Variants in CTIF observed in about 807,000 individuals in gnomAD.
CTIF encodes CBP80/20-dependent translation initiation factor.
A neutral mutation model predicts 66.0 loss-of-function variants in CTIF; 21 were observed. The observed-to-expected ratio is 0.32, with a 90% CI of 0.23 to 0.46. CTIF has a LOEUF of 0.46. Ranked by LOEUF, CTIF falls within the 20% of genes least tolerant of loss-of-function variation. CTIF has a pLI of 1.00. For missense variants in CTIF, 739 were observed against 812.7 expected (o/e 0.91, Z 1.10); for synonymous variants, 345 against 326.4 (o/e 1.06, Z -0.62).
rs34998380 is a variant in CTIF at position 48,636,662 on chromosome 18, C to T, written c.229C>T (p.Arg77Ter). ...GCTGGACAGCAGCTGTTCCTTCTCC[C>T]GAGGGCGAGCCCCCCCACAGCAGGT... ...EPLDSSCSFS[R>*]GRAPPQQNGS... Residue 77 changes from arginine (R) to a stop codon, truncating the protein, a stop_gained, in exon 3 of 12, where the codon CGA becomes TGA. Transcript: ENST00000256413. LOFTEE classifies it high-confidence loss of function. 2 of 1,600,736 alleles carry T rather than the reference C, an allele frequency of 1.2e-6. No homozygotes were observed. Among genetic ancestry groups the T allele is most frequent in the East Asian group, 2.3e-5 (1 of 43,848 alleles).
chr18:48,662,358 A>C (rs1173363883), intron 3 of CTIF: 2 of 93,118 alleles, frequency 2.1e-5, no homozygotes, highest in Admixed American at 2.5e-4. Context: ...AGGAAGTTTC[A>C]AGTTACTTAG....
chr18:48,793,616 C>T (rs779893325), intron 9 of CTIF, among the ~76,000 whole-genome samples: 20 of 152,188 alleles, frequency 1.3e-4, no homozygotes, highest in Non-Finnish European at 2.4e-4. Context: ...GCCACAGGCT[C>T]CAGGGGGCTT....
chr18:48,738,535 T>C (rs1568178235), intron 7 of CTIF, among the ~76,000 whole-genome samples: 1 of 150,922 alleles, frequency 6.6e-6, no homozygotes. Context: ...CACTGGCTGT[T>C]CCCCCTCCCC....
At chr18:48,685,030 ATTTT>A (rs35327726) in intron 6 of CTIF, among the ~76,000 whole-genome samples, 22 of 133,618 alleles carry the variant, frequency 1.6e-4, no homozygotes, top group African/African-American at 4.6e-4. Context: ...GTTTGTTTGT[ATTTT>A]TTTTTTTTTT....
Position 48,861,365 on chromosome 18 carries a change from C to T in CTIF, c.*1806C>T, listed in dbSNP as rs1274876880. The T allele has an allele frequency of 1.3e-5, 2 of 152,878 alleles. No individual in the cohort carries two copies. Among genetic ancestry groups the T allele is most frequent in the South Asian group, 2.1e-4 (1 of 4,838 alleles). The allele number at this position is 152,878 out of a possible 1,614,324, so 9.5% of individuals were successfully genotyped here. On this transcript the variant is annotated 3_prime_UTR_variant, in exon 12 of 12. Coordinates refer to ENST00000256413, the MANE Select transcript of CTIF (RefSeq NM_014772.3). ...CTGAACCCTGCCTTCTTCCTCCCTC[C>T]ACGGTTTCTTCCCAGACTTTCTCAA...
At chr18:48,714,546 G>C (rs927754639) in intron 7 of CTIF, among the ~76,000 whole-genome samples, 1 of 152,096 alleles carries the variant, frequency 6.6e-6, no homozygotes, top group Non-Finnish European at 1.5e-5. Context: ...CTGAAGCTAG[G>C]AGCATGCAAT....
chr18:48,564,638 A>G (rs750864909), intron 1 of CTIF, among the ~76,000 whole-genome samples: 1 of 151,950 alleles, frequency 6.6e-6, no homozygotes, highest in Non-Finnish European at 1.5e-5. Context: ...TTTTGTTTTG[A>G]GACAGGGTCT....
At chr18:48,831,266 T>A (rs1230748067) in intron 10 of CTIF, among the ~76,000 whole-genome samples, 1 of 152,256 alleles carries the variant, frequency 6.6e-6, no homozygotes, top group Non-Finnish European at 1.5e-5. Flanking sequence ...CTCTGTTCTG[T>A]CCCTGCCTTT....
chr18:48,772,910 A>G (rs941775491), intron 9 of CTIF, among the ~76,000 whole-genome samples: 12 of 152,216 alleles, frequency 7.9e-5, no homozygotes, highest in Admixed American at 3.9e-4. Flanking sequence ...GTATCTGCCA[A>G]ACTGTTTCCA....
intron 1 of CTIF, chr18:48,566,148 C>T (rs531293617): frequency 1.3e-5 from 2 of 152,386 alleles, no homozygotes; most frequent in African/African-American, 4.8e-5. Context: ...CCTTGCCCCA[C>T]TCACTACTTT....
chr18:48,793,821 C>A (rs542453157), intron 9 of CTIF, among the ~76,000 whole-genome samples: 34 of 152,288 alleles, frequency 2.2e-4, no homozygotes, highest in African/African-American at 7.9e-4. Context: ...GCCATTTCCC[C>A]AGGAAAGTGG....
chr18:48,601,647 G>C (rs1330259704), intron 1 of CTIF, among the ~76,000 whole-genome samples: 1 of 152,188 alleles, frequency 6.6e-6, no homozygotes, highest in Non-Finnish European at 1.5e-5. Flanking sequence ...ATTGAAGCAG[G>C]GTTCTGAGAT....
intron 7 of CTIF, among the ~76,000 whole-genome samples, chr18:48,741,020 A>G (rs918344076): frequency 3.3e-5 from 5 of 152,228 alleles, no homozygotes; most frequent in Admixed American, 6.5e-5. Flanking sequence ...AATGAGGACA[A>G]TAATGCCACT....
intron 6 of CTIF, among the ~76,000 whole-genome samples, chr18:48,673,956 G>T (rs1293605876): frequency 2.0e-5 from 3 of 152,158 alleles, no homozygotes; most frequent in Non-Finnish European, 4.4e-5. Context: ...GCTCCACTCA[G>T]AGCCCATTGG....
intron 9 of CTIF, among the ~76,000 whole-genome samples, chr18:48,781,022 C>T (rs545703808): frequency 3.9e-5 from 6 of 152,334 alleles, no homozygotes; most frequent in African/African-American, 7.2e-5. Context: ...TCACAGAAGG[C>T]GAAGACCCCC....
intron 6 of CTIF, among the ~76,000 whole-genome samples, chr18:48,675,040 G>A (rs1020603470): frequency 1.3e-5 from 2 of 151,490 alleles, no homozygotes; most frequent in East Asian, 3.9e-4. Context: ...TGATGGGGTG[G>A]TGGGGGGTCG....
At chr18:48,572,046 T>TC (rs1384725986) in intron 1 of CTIF, among the ~76,000 whole-genome samples, 7 of 126,094 alleles carry the variant, frequency 5.6e-5, no homozygotes, top group African/African-American at 1.7e-4. Context: ...TTCTTCCTTC[T>TC]CTTTCTCCTT....
chr18:48,659,539 G>A (rs75335742), intron 3 of CTIF, among the ~76,000 whole-genome samples: 23 of 152,338 alleles, frequency 1.5e-4, no homozygotes, highest in East Asian at 1.2e-3. Context: ...GATGGGGTCC[G>A]GCTCCTTGGT....
chr18:48,616,747 T>C (rs1384353167), intron 1 of CTIF, among the ~76,000 whole-genome samples: 5 of 152,176 alleles, frequency 3.3e-5, no homozygotes, highest in African/African-American at 9.7e-5. Flanking sequence ...TTCATACCCA[T>C]AGCCAACCCT....
Sources: allele counts gnomAD v4.1 joint callset (sites outside exome capture counted in the v4.1 genomes callset), GRCh38; gene constraint gnomAD v4.1.1; transcripts MANE v1.5; gene names NCBI Gene and HGNC (gene_info 2026-07-23, HGNC 2026-07-21).